MAP2K5: variants seen among roughly 807,000 people sequenced by gnomAD.
The protein encoded by MAP2K5 is dual specificity mitogen-activated protein kinase kinase 5.
In MAP2K5, 49 loss-of-function variants were observed where a neutral mutation model predicts 83.1. The observed-to-expected ratio is 0.59, with a 90% CI of 0.47 to 0.75. The LOEUF (loss-of-function observed/expected upper bound fraction) is 0.75, where lower values mean the gene tolerates loss of function less well. Among genes scored for constraint, MAP2K5 ranks in the 30% least tolerant of loss-of-function variants. The pLI is 0.00. For missense variants in MAP2K5, 457 were observed against 557.5 expected, an observed-to-expected ratio of 0.82 and a Z score of 1.82; for synonymous variants, 202 against 191.8, an observed-to-expected ratio of 1.05 and a Z score of -0.44.
rs1193575505 is a variant in MAP2K5 at position 67,585,947 on chromosome 15, T to C, written c.363+17T>C. 2 of 1,610,198 alleles carry C rather than the reference T, an allele frequency of 1.2e-6. No homozygotes were observed. Among genetic ancestry groups the C allele is most frequent in the Admixed American group, 3.3e-5 (2 of 60,016 alleles). On this transcript the variant is annotated intron_variant, in intron 5 of 21. Coordinates refer to ENST00000178640, the MANE Select transcript of MAP2K5 (RefSeq NM_145160.3). The stretch of plus-strand genomic sequence containing the variant: ...GGCCTGAAGGTACGAATTTCAATAA[T>C]TGTTTCAGTAAAGTTAGATGGATTT...
chr15:67,692,675 T>C (rs2088145288), intron 14 of MAP2K5, 123 bp downstream of exon 14: 1 of 681,802 alleles, frequency 1.5e-6, no homozygotes, highest in Non-Finnish European at 2.6e-6. Flanking sequence ...CATCTTTTCC[T>C]CATCTGGGAG....
At position 67,768,643 on chromosome 15, in the gene MAP2K5, G is replaced by A. The variant is rs534499271; in HGVS notation, c.1135-959G>A. On this transcript the variant is annotated intron_variant, in intron 19 of 21. Coordinates refer to ENST00000178640, the MANE Select transcript of MAP2K5 (RefSeq NM_145160.3). The surrounding 1 kb of genome is among the most constrained non-coding windows in gnomAD (Gnocchi z 4.0). ...AGGGATGTCAGGGAGGAAAAAAGCC[G>A]CCGAAAGGTATTTTTAATAGCAAAT... is the stretch of plus-strand genomic sequence containing the variant. 5.3e-5 allele frequency among the ~76,000 whole-genome samples: 8 copies of A among 152,122 alleles called. No homozygotes were observed. The highest frequency in any genetic ancestry group is 9.7e-5 in the African/African-American group (4 of 41,426).
intron 21 of MAP2K5, among the ~76,000 whole-genome samples, chr15:67,803,589 G>A (rs4776974): frequency 0.39 from 58,963 of 151,846 alleles, 12,265 homozygotes; most frequent in East Asian, 0.7. Flanking sequence ...CCTAACCCCT[G>A]TCTTCCCTCC....
At chr15:67,647,878 A>T (rs1290833252) in intron 11 of MAP2K5, among the ~76,000 whole-genome samples, 2 of 151,738 alleles carry the variant, frequency 1.3e-5, no homozygotes, top group Admixed American at 1.3e-4. Context: ...TAAAAAAAAT[A>T]AAAAAAGGAA....
intron 19 of MAP2K5, among the ~76,000 whole-genome samples, chr15:67,763,685 C>G (rs1157992010): frequency 6.6e-6 from 1 of 151,618 alleles, no homozygotes; most frequent in African/African-American, 2.4e-5. Flanking sequence ...TCTCCCCAAG[C>G]AAGTACAGAT....
At position 67,801,319 on chromosome 15, in the gene MAP2K5, C is replaced by T. The variant is rs993314074; in HGVS notation, c.1243-5327C>T. ...GGCAGTCACCTGATCACAGGGCTGC[C>T]CTGTCCCAACAGCAGCTTGTTGGAG... On this transcript the variant is annotated intron_variant, in intron 21 of 21. Coordinates refer to ENST00000178640, the MANE Select transcript of MAP2K5 (RefSeq NM_145160.3). This position sits in a 1 kb window ranked among gnomAD's most constrained non-coding sequence, Gnocchi z 4.8. Among the ~76,000 whole-genome samples the T allele has an allele frequency of 5.9e-5, 9 of 152,168 alleles. No individual in the cohort carries two copies. The highest frequency in any genetic ancestry group is 1.0e-4 in the Non-Finnish European group (7 of 68,036).
chr15:67,786,018 G>A lies in MAP2K5; in HGVS notation c.1242+13266G>A, dbSNP rs181828648. Among the ~76,000 whole-genome samples, 1 of 146,858 alleles carries A rather than the reference G, an allele frequency of 6.8e-6. No homozygotes were observed. On this transcript the variant is annotated intron_variant, in intron 21 of 21. Transcript: ENST00000178640. This position sits in a 1 kb window ranked among gnomAD's most constrained non-coding sequence, Gnocchi z 4.7. ...ACAGGGGGCTTTTAGCTGTTAGGTT[G>A]TTTTTTTTTTTTTAACTTACAGAAG...
At chr15:67,554,986 C>T (rs1208285665) in intron 2 of MAP2K5, among the ~76,000 whole-genome samples, 1 of 152,156 alleles carries the variant, frequency 6.6e-6, no homozygotes, top group Non-Finnish European at 1.5e-5. Flanking sequence ...GGGGGTCAAA[C>T]CTGAGGAGCT....
At chr15:67,582,055 A>ATTTTTTTTT (rs1233297576) in intron 4 of MAP2K5, among the ~76,000 whole-genome samples, 1 of 134,866 alleles carries the variant, frequency 7.4e-6, no homozygotes. Context: ...GATGTAGATG[A>ATTTTTTTTT]TTTCTTTTTT....
At chr15:67,593,560 A>C (rs2085460315) in intron 7 of MAP2K5, among the ~76,000 whole-genome samples, 1 of 152,230 alleles carries the variant, frequency 6.6e-6, no homozygotes, top group African/African-American at 2.4e-5. Flanking sequence ...CATCTGAAAT[A>C]GTAGAGTGCT....
chr15:67,547,615 C>T (rs1211968704), intron 1 of MAP2K5, among the ~76,000 whole-genome samples: 1 of 152,012 alleles, frequency 6.6e-6, no homozygotes, highest in African/African-American at 2.4e-5. Context: ...ACCACACATC[C>T]AGCTAATTTT....
At position 67,562,422 on chromosome 15, in the gene MAP2K5, T is replaced by G. The variant is rs2084754974; in HGVS notation, c.185-861T>G. Among the ~76,000 whole-genome samples, 1 of 152,214 alleles carries G rather than the reference T, an allele frequency of 6.6e-6. No individual in the cohort carries two copies. The highest frequency in any genetic ancestry group is 6.5e-5 in the Admixed American group (1 of 15,280). ...GGTTTTTAAAGCAGTTTTGAAGAGA[T>G]ATTTCAAAAACTACTTTGAATAAGA... On this transcript the variant is annotated intron_variant, in intron 2 of 21. Coordinates refer to ENST00000178640, the MANE Select transcript of MAP2K5 (RefSeq NM_145160.3). This position sits in a 1 kb window ranked among gnomAD's most constrained non-coding sequence, Gnocchi z 4.1.
rs2088901370 is a variant in MAP2K5, at chr15:67,719,442, T to C, written c.1045-8474T>C. ...ACCTACTGCAAAATGCTATTTCTGA[T>C]GTCATGGAGAACATAAAAGTTTATG... is the stretch of plus-strand genomic sequence containing the variant. On this transcript the variant is annotated intron_variant, in intron 16 of 21. Transcript: ENST00000178640. This position sits in a 1 kb window ranked among gnomAD's most constrained non-coding sequence, Gnocchi z 4.6. Among the ~76,000 whole-genome samples the C allele has an allele frequency of 6.6e-6, 1 of 152,204 alleles. No homozygotes were observed. The highest frequency in any genetic ancestry group is 1.5e-5 in the Non-Finnish European group (1 of 68,036).
At chr15:67,624,779 G>A (rs1567317698) in intron 8 of MAP2K5, among the ~76,000 whole-genome samples, 2 of 104,526 alleles carry the variant, frequency 1.9e-5, no homozygotes, top group South Asian at 4.1e-4. Context: ...ACAGGCATCC[G>A]CCACCAGGCC....
chr15:67,761,481 G>A (rs991061110), intron 19 of MAP2K5, among the ~76,000 whole-genome samples: 3 of 152,210 alleles, frequency 2.0e-5, no homozygotes, highest in African/African-American at 7.2e-5. Context: ...GCAGCCACTG[G>A]TAGTTCTGTT....
In MAP2K5 at chr15:67,563,034, C is replaced by G. The variant is rs1485500706; in HGVS notation, c.185-249C>G. On this transcript the variant is annotated intron_variant, in intron 2 of 21. Coordinates refer to ENST00000178640, the MANE Select transcript of MAP2K5 (RefSeq NM_145160.3). This position sits in a 1 kb window ranked among gnomAD's most constrained non-coding sequence, Gnocchi z 4.5. The stretch of plus-strand genomic sequence containing the variant: ...ATACTCCAGTTATATTTACTTTAAC[C>G]TAGAGATATGTTGTGAATGACATGA... 6.6e-6 allele frequency among the ~76,000 whole-genome samples: 1 copy of G among 152,028 alleles called. No homozygotes were observed. The highest frequency in any genetic ancestry group is 1.5e-5 in the Non-Finnish European group (1 of 67,998).
rs1371154975 is a variant in MAP2K5, at chr15:67,806,866, G to T, written c.*116G>T. The T allele has an allele frequency of 6.3e-7, 1 of 1,595,328 alleles. No homozygotes were observed. Among genetic ancestry groups the T allele is most frequent in the African/African-American group, 1.3e-5 (1 of 74,872 alleles). On this transcript the variant is annotated 3_prime_UTR_variant, in exon 22 of 22. Transcript: ENST00000178640. Reference sequence around the variant, plus strand: ...AGCTTTGCTGGGCCCTGGCTTCCCTGCCCTCGCCTTCACCTCTGTCAGCAG... The same window carrying T: ...AGCTTTGCTGGGCCCTGGCTTCCCTTCCCTCGCCTTCACCTCTGTCAGCAG...
Position 67,746,621 on chromosome 15 carries a change from T to C in MAP2K5, c.1075-1610T>C, listed in dbSNP as rs1197908145. Among the ~76,000 whole-genome samples, 2 of 152,208 alleles carry C rather than the reference T, an allele frequency of 1.3e-5. No homozygotes were observed. Among genetic ancestry groups the C allele is most frequent in the Admixed American group, 6.5e-5 (1 of 15,278 alleles). ...TTCCCTTGTAATGTAAATCTTTACC[T>C]GCAGAATCTTGTCTGGAAATACTCA... On this transcript the variant is annotated intron_variant, in intron 17 of 21. Coordinates refer to ENST00000178640, the MANE Select transcript of MAP2K5 (RefSeq NM_145160.3). The surrounding 1 kb of genome is among the most constrained non-coding windows in gnomAD (Gnocchi z 4.1).
chr15:67,663,813 T>C (rs569794808), intron 12 of MAP2K5, among the ~76,000 whole-genome samples: 1 of 152,280 alleles, frequency 6.6e-6, no homozygotes, highest in East Asian at 1.9e-4. Flanking sequence ...AATTTGAGGT[T>C]ACAGTGTGCT....
Sources: allele counts gnomAD v4.1 joint callset (sites outside exome capture counted in the v4.1 genomes callset), GRCh38; gene constraint gnomAD v4.1.1; non-coding constraint Gnocchi (gnomAD v3.1); transcripts MANE v1.5; gene names NCBI Gene and HGNC (gene_info 2026-07-23, HGNC 2026-07-21).